Variants in ZNF445 observed in about 807,000 individuals in gnomAD.
ZNF445 encodes zinc finger protein 168.
Under a neutral mutation model 93.9 loss-of-function variants are expected in ZNF445, and 19 were observed. That is an observed-to-expected ratio of 0.20 (90% CI 0.14 to 0.30). ZNF445 has a LOEUF of 0.30. Ranked by LOEUF, ZNF445 falls within the 10% of genes least tolerant of loss-of-function variation. ZNF445 has a pLI of 1.00. For missense variants in ZNF445, 1,058 were observed against 1,259.4 expected (o/e 0.84, Z 2.42); for synonymous variants, 449 against 446.3 (o/e 1.01, Z -0.08).
Position 44,447,312 on chromosome 3 carries a change from C to G in ZNF445, c.2359G>C (p.Glu787Gln). 6.2e-7 allele frequency: 1 copy of G among 1,614,178 alleles called. No homozygotes were observed. Among genetic ancestry groups the G allele is most frequent in the Non-Finnish European group, 8.5e-7 (1 of 1,180,036 alleles). ...CACTCCCTGCACTTATATGGCTTCTCTCCAGTGTGAACTCTCTGATGGATG... is the reference window on the plus strand; with the variant it reads ...CACTCCCTGCACTTATATGGCTTCTGTCCAGTGTGAACTCTCTGATGGATG... Reference protein sequence around the residue: ...LLIHQRVHTGEKPYKCRECGK... With the variant: ...LLIHQRVHTGQKPYKCRECGK... The change falls in exon 8 of 8, where the codon GAG becomes CAG. Residue 787 changes from glutamate to glutamine, a missense_variant. Glu to Gln is a conservative substitution (Grantham distance 29, BLOSUM62 2). Coordinates refer to ENST00000396077, the MANE Select transcript of ZNF445 (RefSeq NM_181489.6). This position sits in a 1 kb window ranked among gnomAD's most constrained non-coding sequence, Gnocchi z 4.7.
intron 1 of ZNF445, among the ~76,000 whole-genome samples, chr3:44,476,983 A>G (rs1698369200): frequency 6.6e-6 from 1 of 152,184 alleles, no homozygotes; most frequent in Non-Finnish European, 1.5e-5. Flanking sequence ...GCATTCTACA[A>G]ATTCAGGAGA....
intron 1 of ZNF445, among the ~76,000 whole-genome samples, chr3:44,466,307 T>C (rs1052692180): frequency 6.6e-6 from 1 of 152,220 alleles, no homozygotes; most frequent in East Asian, 1.9e-4. Context: ...AATCAAATTA[T>C]AAATTATGTC....
Position 44,448,154 on chromosome 3 carries a change from A to C in ZNF445, c.1517T>G (p.Leu506Arg). The C allele has an allele frequency of 2.5e-6, 4 of 1,614,206 alleles. No individual in the cohort carries two copies. Among genetic ancestry groups the C allele is most frequent in the Non-Finnish European group, 3.4e-6 (4 of 1,180,044 alleles). Reference protein sequence around the residue: ...HSSHLAYHQRLHTQEKAFKCR... With the variant: ...HSSHLAYHQRRHTQEKAFKCR... ...TTTAAATGCTTTCTCTTGAGTGTGA[A>C]GTCTCTGATGATACGCAAGATGGGA... The change falls in exon 8 of 8, where the codon CTT (leucine) becomes CGT (arginine). Residue 506 changes from leucine to arginine, a missense_variant. Leu to Arg is a moderately radical substitution (Grantham distance 102). Around this residue, in one of 3 missense-constraint regions of ZNF445, gnomAD observed 657 missense variants for 746.4 expected, o/e 0.88. Transcript: ENST00000396077.
At chr3:44,458,828 T>C (rs1303100654) in intron 1 of ZNF445, among the ~76,000 whole-genome samples, 1 of 152,160 alleles carries the variant, frequency 6.6e-6, no homozygotes, top group African/African-American at 2.4e-5. Context: ...TTGTAGGTCA[T>C]AAGATGCCCA....
chr3:44,458,495 T>A (rs1698062932), intron 1 of ZNF445, 131 bp from the exon 2 acceptor site: 1 of 152,150 alleles, frequency 6.6e-6, no homozygotes, highest in Non-Finnish European at 1.5e-5. Context: ...GGCTCCTAAC[T>A]CCCATAGCCC....
intron 1 of ZNF445, among the ~76,000 whole-genome samples, chr3:44,465,399 C>T (rs1698179851): frequency 6.6e-6 from 1 of 151,960 alleles, no homozygotes; most frequent in Admixed American, 6.6e-5. Flanking sequence ...AACAAGTTGG[C>T]TAAGATTTAA....
chr3:44,435,411 T>A lies in ZNF445; in HGVS notation c.*11164A>T, dbSNP rs1239012568. The A allele has an allele frequency of 6.6e-6, 1 of 152,224 alleles. No individual in the cohort carries two copies. Among genetic ancestry groups the A allele is most frequent in the African/African-American group, 2.4e-5 (1 of 41,458 alleles). 9.4% of individuals were successfully genotyped at this position (152,224 alleles called of 1,614,324 possible). On this transcript the variant is annotated 3_prime_UTR_variant, in exon 8 of 8. Coordinates refer to ENST00000396077, the MANE Select transcript of ZNF445 (RefSeq NM_181489.6). ...GTCAGACGTATCGTTTGCTCAGCACTGAAACCACATGTGGAAACAGCACCT... is the reference window on the plus strand; with the variant it reads ...GTCAGACGTATCGTTTGCTCAGCACAGAAACCACATGTGGAAACAGCACCT...
rs751672131 is a variant in ZNF445 at position 44,450,496 on chromosome 3, G to A, written c.771C>T (p.Asn257=). 1 of 1,614,132 alleles carries A rather than the reference G, an allele frequency of 6.2e-7. No homozygotes were observed. Among genetic ancestry groups the A allele is most frequent in the Non-Finnish European group, 8.5e-7 (1 of 1,180,016 alleles). ...EWGWLDSAQR[N]LYRDVMLENY... ...TCTCCAGCATCACATCCCTGTACAG[G>A]TTCCTCTGAGCAGAGTCCAGCCACC... is the stretch of plus-strand genomic sequence containing the variant. The change falls in exon 6 of 8, where the codon AAC becomes AAT. Residue 257 remains asparagine, a synonymous_variant. Coordinates refer to ENST00000396077, the MANE Select transcript of ZNF445 (RefSeq NM_181489.6).
At chr3:44,472,975 G>C (rs1698292006) in intron 1 of ZNF445, among the ~76,000 whole-genome samples, 1 of 152,152 alleles carries the variant, frequency 6.6e-6, no homozygotes, top group Admixed American at 6.5e-5. Context: ...CCAAGATCTT[G>C]ATATTTTTCA....
At chr3:44,467,346 T>G (rs940200464) in intron 1 of ZNF445, among the ~76,000 whole-genome samples, 4 of 152,354 alleles carry the variant, frequency 2.6e-5, no homozygotes, top group East Asian at 3.9e-4. Flanking sequence ...ATCTGTTTTC[T>G]TTTGTAACAG....
chr3:44,467,465 T>C (rs1698211062), intron 1 of ZNF445, among the ~76,000 whole-genome samples: 1 of 152,180 alleles, frequency 6.6e-6, no homozygotes, highest in Non-Finnish European at 1.5e-5. Context: ...ACAGAGTCTC[T>C]GTACAAGCTT....
chr3:44,455,499 C>T lies in ZNF445; in HGVS notation c.51G>A (p.Ser17=), dbSNP rs367648618. 7 of 1,611,960 alleles carry T rather than the reference C, an allele frequency of 4.3e-6. No homozygotes were observed. The South Asian group carries it at 5.5e-5, about 13-fold the overall frequency. The change falls in exon 3 of 8, where the codon TCG becomes TCA. Residue 17 remains serine, a synonymous_variant. Coordinates refer to ENST00000396077, the MANE Select transcript of ZNF445 (RefSeq NM_181489.6). ...HAAYPAQAQS[S]RERGRLQTVK... is the part of the protein sequence containing the mutation. Reference sequence around the variant, plus strand: ...CTGTCTGAAGCCGCCCTCGCTCCCTCGAAGACTGGGCCTGAGCTGGATAGG... The same window carrying T: ...CTGTCTGAAGCCGCCCTCGCTCCCTTGAAGACTGGGCCTGAGCTGGATAGG...
chr3:44,474,384 C>G (rs930523294), intron 1 of ZNF445, among the ~76,000 whole-genome samples: 15 of 152,076 alleles, frequency 9.9e-5, no homozygotes, highest in African/African-American at 3.4e-4. Flanking sequence ...CCTGGTGGCA[C>G]ATGCCTGTAA....
chr3:44,474,373 G>A (rs1698312920), intron 1 of ZNF445, among the ~76,000 whole-genome samples: 1 of 152,102 alleles, frequency 6.6e-6, no homozygotes, highest in Non-Finnish European at 1.5e-5. Context: ...AATTAGCCAG[G>A]CCTGGTGGCA....
intron 3 of ZNF445, among the ~76,000 whole-genome samples, chr3:44,454,560 C>T (rs1209715087): frequency 6.6e-6 from 1 of 151,902 alleles, no homozygotes; most frequent in Non-Finnish European, 1.5e-5. Context: ...CTCAGTCCCC[C>T]AAGTAGCTGG....
In ZNF445 at chr3:44,475,325, A is replaced by G. The variant is rs377546248; in HGVS notation, c.-269+2266T>C. Among the ~76,000 whole-genome samples the G allele has an allele frequency of 2.6e-5, 4 of 151,954 alleles. No individual in the cohort carries two copies. In the East Asian group the frequency reaches 7.9e-4, roughly 30 times the overall value. The stretch of plus-strand genomic sequence containing the variant: ...GCAATTCTCCTGCCTCAGCCTCCCA[A>G]GTAGCTGGGATTACAGGTGCCCGCC... On this transcript the variant is annotated intron_variant, in intron 1 of 7. Transcript: ENST00000396077.
At position 44,447,608 on chromosome 3, in the gene ZNF445, T is replaced by C. The variant is rs747282701; in HGVS notation, c.2063A>G (p.Lys688Arg). Reference protein sequence around the residue: ...EKTFLCQQCGKTFTRKKTLVD... With the variant: ...EKTFLCQQCGRTFTRKKTLVD... ...GAGAGTTTTCTTTCTAGTAAAAGTT[T>C]TCCCACACTGCTGACACAGAAATGT... Residue 688 changes from lysine to arginine, a missense_variant, in exon 8 of 8, where the codon AAA (lysine) becomes AGA (arginine). Coordinates refer to ENST00000396077, the MANE Select transcript of ZNF445 (RefSeq NM_181489.6). This position sits in a 1 kb window ranked among gnomAD's most constrained non-coding sequence, Gnocchi z 4.7. 1.2e-6 allele frequency: 2 copies of C among 1,614,112 alleles called. No individual in the cohort carries two copies. Among genetic ancestry groups the C allele is most frequent in the African/African-American group, 1.3e-5 (1 of 74,942 alleles).
chr3:44,453,895 T>C (rs1697989497), intron 3 of ZNF445, among the ~76,000 whole-genome samples: 2 of 152,134 alleles, frequency 1.3e-5, no homozygotes, highest in African/African-American at 4.8e-5. Flanking sequence ...GCCACAGATG[T>C]TGAGGTTGTG....
Position 44,452,792 on chromosome 3 carries a change from A to G in ZNF445, c.430-1310T>C, listed in dbSNP as rs532921630. On this transcript the variant is annotated intron_variant, in intron 3 of 7. Transcript: ENST00000396077. ...CCCATGTTGTGCAAAAATATTTTCT[A>G]TTAGTTATACCCTGTGTCTATTTAT... Among the ~76,000 whole-genome samples, 8 of 152,174 alleles carry G rather than the reference A, an allele frequency of 5.3e-5. No individual in the cohort carries two copies. In the South Asian group the frequency reaches 1.7e-3, roughly 32 times the overall value.
Sources: gnomAD v4.1 joint callset for allele counts (sites outside exome capture counted in the v4.1 genomes callset) on GRCh38, gnomAD v4.1.1 for gene constraint, gnomAD v4.1.1 regional missense constraint, Gnocchi (gnomAD v3.1) non-coding constraint, MANE v1.5 for transcripts, NCBI Gene and HGNC (gene_info 2026-07-23, HGNC 2026-07-21) for gene names.